The following DPP3 variants were observed in gnomAD, a reference collection of about 807,000 sequenced individuals.
DPP3 encodes DPP III.
In DPP3, 64 loss-of-function variants were observed where a neutral mutation model predicts 89.8. The ratio of observed to expected loss-of-function variants is 0.71; its 90% CI spans 0.58 to 0.88. The LOEUF is 0.88. Ranked by LOEUF, DPP3 falls within the 40% of genes least tolerant of loss-of-function variation. The pLI, the probability that DPP3 is intolerant of heterozygous loss-of-function variation, is 0.00. For missense variants in DPP3, 835 were observed against 972.5 expected (o/e 0.86, Z 1.88); for synonymous variants, 377 against 404.3 (o/e 0.93, Z 0.81).
chr11:66,485,384 G>A (rs944496644), intron 3 of DPP3, 122 bp downstream of exon 3: 12 of 939,312 alleles, frequency 1.3e-5, no homozygotes, highest in Non-Finnish European at 1.6e-5. Flanking sequence ...GGACCCTGTC[G>A]CTTCCACCCT....
At position 66,488,950 on chromosome 11, in the gene DPP3, C is replaced by G. The variant is rs147024937; in HGVS notation, c.667+943C>G. ...GTGCGACCTTGGTTCACCGCAACCT[C>G]TGCCTCCCGGGTTCAAGCAATTCTC... On this transcript the variant is annotated intron_variant, in intron 6 of 17. Coordinates refer to ENST00000531863, the MANE Select transcript of DPP3 (RefSeq NM_130443.4). 6.8e-3 allele frequency among the ~76,000 whole-genome samples: 1,037 copies of G among 152,348 alleles called. 14 individuals carry two copies. Among genetic ancestry groups the G allele is most frequent in the African/African-American group, 0.022 (934 of 41,578 alleles).
intron 12 of DPP3, among the ~76,000 whole-genome samples, chr11:66,494,691 G>A (rs959484201): frequency 2.7e-4 from 41 of 152,240 alleles, no homozygotes; most frequent in African/African-American, 9.9e-4. Flanking sequence ...CTGAGCCTCA[G>A]TTTCCTCATC....
At chr11:66,485,441 C>T (rs569912594) in intron 3 of DPP3, among the ~76,000 whole-genome samples, 179 bp downstream of exon 3, 171 of 152,264 alleles carry the variant, frequency 1.1e-3, no homozygotes, top group African/African-American at 3.9e-3. Flanking sequence ...GCGGCCTCTT[C>T]GTGTATAAAG....
intron 6 of DPP3, among the ~76,000 whole-genome samples, chr11:66,490,772 G>GT (rs1188892393): frequency 0.044 from 5,864 of 131,846 alleles, 399 homozygotes; most frequent in African/African-American, 0.14. Flanking sequence ...TTTTTGTTTT[G>GT]TTTTTTTTTT....
At chr11:66,485,808 T>G (rs1415710572) in intron 3 of DPP3, among the ~76,000 whole-genome samples, 1 of 152,178 alleles carries the variant, frequency 6.6e-6, no homozygotes, top group African/African-American at 2.4e-5. Context: ...TGTAGTGGTG[T>G]GATCATGACT....
chr11:66,508,992 T>A, intron 17 of DPP3, 87 bp from the exon 18 acceptor site: 1 of 1,518,614 alleles, frequency 6.6e-7, no homozygotes, highest in Admixed American at 1.9e-5. Context: ...CAGCTGCTGC[T>A]GTAATTGTGA....
intron 3 of DPP3, 73 bp from the exon 4 acceptor site, chr11:66,486,467 G>A: frequency 2.1e-6 from 3 of 1,406,046 alleles, no homozygotes; most frequent in Non-Finnish European, 2.8e-6. Context: ...GAAGAGCTTG[G>A]GAGTGGGTAG....
In DPP3 at chr11:66,485,175, G is replaced by A. The variant is rs146040863; in HGVS notation, c.273G>A (p.Ala91=). 9.6e-4 allele frequency: 1,554 copies of A among 1,614,118 alleles called. 13 individuals are homozygous for A. The African/African-American group carries it at 0.015, about 16-fold the overall frequency. ...TCTGATGCCTGCCTCCCCCTCAGGC[G>A]TTCCTGGTCTATGCCGCGGGTGTTT... ...AEGLTEEEYQ[A]FLVYAAGVYS... is the part of the protein sequence containing the mutation. Residue 91 remains alanine (A), a splice_region_variant and synonymous_variant, in exon 3 of 18, where the codon GCG becomes GCA. Coordinates refer to ENST00000531863, the MANE Select transcript of DPP3 (RefSeq NM_130443.4).
Position 66,492,831 on chromosome 11 carries a change from C to T in DPP3, c.1104C>T (p.Phe368=). Residue 368 remains phenylalanine, a synonymous_variant, in exon 10 of 18, where the codon TTC becomes TTT. Transcript: ENST00000531863. ...PWPPTFEKDK[F]LTPDFTSLDV... is the part of the protein sequence containing the mutation. ...CCCCAACCTTTGAGAAGGACAAGTT[C>T]CTCACCCCTGACTTCACCTCCCTGG... 3.7e-6 allele frequency: 6 copies of T among 1,614,134 alleles called. No individual in the cohort carries two copies. The highest frequency in any genetic ancestry group is 5.1e-6 in the Non-Finnish European group (6 of 1,180,006).
intron 2 of DPP3, 95 bp downstream of exon 2, chr11:66,482,565 G>A (rs957230225): frequency 1.4e-5 from 21 of 1,520,824 alleles, no homozygotes; most frequent in Non-Finnish European, 1.8e-5. Context: ...GGTAGGTGGA[G>A]GATTAGACCA....
chr11:66,490,831 A>G (rs1164179706), intron 6 of DPP3, among the ~76,000 whole-genome samples: 1 of 147,856 alleles, frequency 6.8e-6, no homozygotes, highest in African/African-American at 2.5e-5. Context: ...GTGCAGCAGC[A>G]CGATCTCAGC....
chr11:66,480,796 G>C, intron 1 of DPP3: 1 of 278,950 alleles, frequency 3.6e-6, no homozygotes, highest in Non-Finnish European at 6.7e-6. Context: ...CAGACCTTCA[G>C]TAAATTGTTG....
chr11:66,491,105 T>C, intron 6 of DPP3, 148 bp from the exon 7 acceptor site: 1 of 1,233,334 alleles, frequency 8.1e-7, no homozygotes, highest in Non-Finnish European at 1.1e-6. Context: ...TTTATGCTCA[T>C]GTCTGTTGGC....
At chr11:66,507,506 C>T (rs141567335) in intron 17 of DPP3, among the ~76,000 whole-genome samples, 2 of 151,692 alleles carry the variant, frequency 1.3e-5, no homozygotes, top group African/African-American at 2.4e-5. Context: ...CATAATCATA[C>T]AAGGGAAGTG....
Position 66,509,394 on chromosome 11 carries a change from C to T in DPP3, c.*143C>T, listed in dbSNP as rs1319899561. 3.3e-6 allele frequency: 5 copies of T among 1,537,954 alleles called. No homozygotes were observed. The South Asian group carries it at 3.6e-5, about 11-fold the overall frequency. On this transcript the variant is annotated 3_prime_UTR_variant, in exon 18 of 18. Transcript: ENST00000531863. ...ACCTCAGCTGAGGGTGGTGACACAA[C>T]CCCTTCCATTTGTCAGCACTTTCCA...
At chr11:66,497,083 CCT>C (rs1200857818) in intron 15 of DPP3, among the ~76,000 whole-genome samples, 1 of 152,142 alleles carries the variant, frequency 6.6e-6, no homozygotes, top group Non-Finnish European at 1.5e-5. Flanking sequence ...GGCAGCCTGC[CCT>C]CTCTGTGAGA....
intron 1 of DPP3, chr11:66,480,778 G>T (rs1855055063): frequency 6.4e-6 from 2 of 313,884 alleles, no homozygotes; most frequent in Non-Finnish European, 1.2e-5. Context: ...GGGTTCCAAC[G>T]GGGCTGTCAG....
chr11:66,502,925 G>A (rs1855716075), intron 16 of DPP3, among the ~76,000 whole-genome samples: 1 of 151,538 alleles, frequency 6.6e-6, no homozygotes, highest in African/African-American at 2.4e-5. Flanking sequence ...ATTCTTTACG[G>A]TATACATACT....
rs2134741123 is a variant in DPP3, at chr11:66,497,496, T to C, written c.1878+19T>C. On this transcript the variant is annotated intron_variant, in intron 16 of 17. Coordinates refer to ENST00000531863, the MANE Select transcript of DPP3 (RefSeq NM_130443.4). ...ACTTCAGGTAAGCAAAGGCCTCTCGTCTGGATGGGTCCCCACCAACCTCTC... is the reference window on the plus strand; with the variant it reads ...ACTTCAGGTAAGCAAAGGCCTCTCGCCTGGATGGGTCCCCACCAACCTCTC... 6.2e-7 allele frequency: 1 copy of C among 1,606,170 alleles called. No individual in the cohort carries two copies. Among genetic ancestry groups the C allele is most frequent in the Admixed American group, 1.7e-5 (1 of 59,570 alleles).
Sources: allele counts gnomAD v4.1 joint callset (sites outside exome capture counted in the v4.1 genomes callset), GRCh38; gene constraint gnomAD v4.1.1; transcripts MANE v1.5; gene names NCBI Gene and HGNC (gene_info 2026-07-23, HGNC 2026-07-21).